The following DNAI2 variants were observed in gnomAD, a reference collection of about 807,000 sequenced individuals.
DNAI2 encodes dynein, axonemal, intermediate polypeptide 2.
A neutral mutation model predicts 74.7 loss-of-function variants in DNAI2; 63 were observed. The ratio of observed to expected loss-of-function variants is 0.84; its 90% CI spans 0.69 to 1.04. The LOEUF (loss-of-function observed/expected upper bound fraction) is 1.04, where lower values mean the gene tolerates loss of function less well. Among genes scored for constraint, DNAI2 ranks in the 50% least tolerant of loss-of-function variants. The probability of loss-of-function intolerance (pLI) is 0.00; values close to 1 mark genes in which losing one functional copy is unlikely to be tolerated. For synonymous variants in DNAI2, 289 were observed against 314.9 expected (o/e 0.92, Z 0.87); for missense variants, 688 against 803.2 (o/e 0.86, Z 1.73).
chr17:74,305,361 C>A lies in DNAI2; in HGVS notation c.1130C>A (p.Pro377Gln), dbSNP rs199726930. 2.7e-5 allele frequency: 43 copies of A among 1,614,172 alleles called. No homozygotes were observed. The highest frequency in any genetic ancestry group is 3.2e-5 in the Non-Finnish European group (38 of 1,180,044). ...GCCCTCCAGAGAAACCCCTTCTACC[C>A]GAAGAACTTCCTGACGGTTGGCGAC... is the stretch of plus-strand genomic sequence containing the variant. ...IYALQRNPFYPKNFLTVGDWT... is the reference protein window; with the variant it reads ...IYALQRNPFYQKNFLTVGDWT... Residue 377 changes from proline (P) to glutamine (Q), a missense_variant, in exon 9 of 14, where the codon CCG (proline) becomes CAG (glutamine). Coordinates refer to ENST00000311014, the MANE Select transcript of DNAI2 (RefSeq NM_023036.6).
rs574807351 is a variant in DNAI2, at chr17:74,302,178, C to T, written c.987+1010C>T. On this transcript the variant is annotated intron_variant, in intron 8 of 13. Coordinates refer to ENST00000311014, the MANE Select transcript of DNAI2 (RefSeq NM_023036.6). Reference sequence around the variant, plus strand: ...AGGCGCCGTGGCTCACACCTGTAATCCCAGCACTTTGGGAGGCTGAGGTGG... The same window carrying T: ...AGGCGCCGTGGCTCACACCTGTAATTCCAGCACTTTGGGAGGCTGAGGTGG... 2.0e-5 allele frequency among the ~76,000 whole-genome samples: 3 copies of T among 152,220 alleles called. No individual in the cohort carries two copies. The South Asian group carries it at 6.2e-4, about 32-fold the overall frequency.
intron 2 of DNAI2, among the ~76,000 whole-genome samples, chr17:74,282,705 C>G (rs907445751): frequency 2.0e-5 from 3 of 152,190 alleles, no homozygotes; most frequent in Non-Finnish European, 4.4e-5. Flanking sequence ...GGGGCCTCCA[C>G]GATAAGAGAA....
At chr17:74,314,407 C>T in intron 13 of DNAI2, 136 bp downstream of exon 13, 3 of 1,171,346 alleles carry the variant, frequency 2.6e-6, no homozygotes, top group East Asian at 5.3e-5. Flanking sequence ...GGCACTGAGT[C>T]CTGAGCCACC....
At position 74,314,234 on chromosome 17, in the gene DNAI2, C is replaced by T. The variant is rs369270232; in HGVS notation, c.*18C>T. The T allele has an allele frequency of 2.9e-4, 461 of 1,613,590 alleles. 1 individual carries two copies. Among genetic ancestry groups the T allele is most frequent in the Non-Finnish European group, 3.6e-4 (423 of 1,179,716 alleles). The stretch of plus-strand genomic sequence containing the variant: ...TAGCCTAGAAGTCAGCCTTCGACTG[C>T]GGCGCTATCCCTGTGTGCCTTCCTT... On this transcript the variant is annotated 3_prime_UTR_variant, in exon 13 of 14. Coordinates refer to ENST00000311014, the MANE Select transcript of DNAI2 (RefSeq NM_023036.6).
chr17:74,306,378 C>A (rs183212481), intron 9 of DNAI2, among the ~76,000 whole-genome samples: 47 of 152,222 alleles, frequency 3.1e-4, no homozygotes, highest in African/African-American at 1.1e-3. Flanking sequence ...GTAATAAGCC[C>A]GAATTCTAAC....
chr17:74,284,443 C>G (rs372738024), intron 2 of DNAI2, among the ~76,000 whole-genome samples: 3 of 151,974 alleles, frequency 2.0e-5, no homozygotes, highest in Non-Finnish European at 4.4e-5. Flanking sequence ...GACGGAGTCT[C>G]GCTCTGTCGC....
At position 74,291,129 on chromosome 17, in the gene DNAI2, G is replaced by T; in HGVS notation, c.720G>T (p.Gln240His). Residue 240 changes from glutamine (Q) to histidine (H), a missense_variant, in exon 6 of 14, where the codon CAG becomes CAT. By Grantham distance (24) the Gln-to-His change is conservative (BLOSUM62 0). Coordinates refer to ENST00000311014, the MANE Select transcript of DNAI2 (RefSeq NM_023036.6). ...TCCTGGGTGGCTGCTACAATGGACA[G>T]ATAGGTAAGGAGGGACCTAGGCTTT... is the stretch of plus-strand genomic sequence containing the variant. ...HVLLGGCYNG[Q>H]IACWDTRKGS... 1.2e-6 allele frequency: 2 copies of T among 1,607,740 alleles called. No individual in the cohort carries two copies. The highest frequency in any genetic ancestry group is 2.2e-5 in the East Asian group (1 of 44,850).
In DNAI2 at chr17:74,314,277, G is replaced by A. The variant is rs118104009; in HGVS notation, c.*55+6G>A. On this transcript the variant is annotated splice_donor_region_variant and intron_variant, in intron 13 of 13. Transcript: ENST00000311014. The stretch of plus-strand genomic sequence containing the variant: ...CCTTCCTTTCCCACCTCTTGGTATT[G>A]CCCCGCTCTCACAAGTGGGAGGCTG... 15,011 of 1,609,948 alleles carry A rather than the reference G, an allele frequency of 9.3e-3. 137 individuals are homozygous for A. Among genetic ancestry groups the A allele is most frequent in the East Asian group, 0.016 (722 of 44,692 alleles).
chr17:74,279,328 G>A (rs887437635), intron 1 of DNAI2, among the ~76,000 whole-genome samples: 19 of 152,056 alleles, frequency 1.2e-4, no homozygotes, highest in Admixed American at 3.9e-4. Flanking sequence ...AGCTGAAAGA[G>A]TATAACTGGA....
At chr17:74,292,183 G>A (rs1392134448) in intron 6 of DNAI2, among the ~76,000 whole-genome samples, 1 of 152,138 alleles carries the variant, frequency 6.6e-6, no homozygotes. Flanking sequence ...TTCTTGAAAT[G>A]TTTGGTAGAA....
intron 8 of DNAI2, among the ~76,000 whole-genome samples, chr17:74,301,546 C>T (rs2052765285): frequency 6.6e-6 from 1 of 151,962 alleles, no homozygotes; most frequent in African/African-American, 2.4e-5. Flanking sequence ...GGCACGGGGT[C>T]CCTAGGCTGG....
At chr17:74,297,515 C>T (rs1438838976) in intron 6 of DNAI2, among the ~76,000 whole-genome samples, 2 of 151,670 alleles carry the variant, frequency 1.3e-5, no homozygotes, top group Admixed American at 6.6e-5. Context: ...CTCAGCCTCC[C>T]CAGAGGCTGG....
chr17:74,313,243 G>A (rs1456651657), intron 12 of DNAI2, among the ~76,000 whole-genome samples: 1 of 152,206 alleles, frequency 6.6e-6, no homozygotes, highest in Admixed American at 6.5e-5. Flanking sequence ...ACACAGGGAA[G>A]ATAACTGGTT....
chr17:74,281,358 A>G (rs951641815), intron 1 of DNAI2, among the ~76,000 whole-genome samples: 3 of 151,874 alleles, frequency 2.0e-5, no homozygotes, highest in Non-Finnish European at 2.9e-5. Context: ...TCCCGAGTTC[A>G]AGTGATTCTC....
chr17:74,282,909 T>C (rs1231228277), intron 2 of DNAI2, among the ~76,000 whole-genome samples: 1 of 152,132 alleles, frequency 6.6e-6, no homozygotes, highest in Non-Finnish European at 1.5e-5. Context: ...ATGAATTAGG[T>C]GCTTCTCTCC....
In DNAI2 at chr17:74,309,069, A is replaced by G. The variant is rs190440997; in HGVS notation, c.1212-184A>G. On this transcript the variant is annotated intron_variant, in intron 9 of 13. Transcript: ENST00000311014. ...CAGAGCAAGAGTGTCTCAAAAAAAA[A>G]AAAAAAAAAAGCAACCTGTGAGCTG... Among the ~76,000 whole-genome samples, 74 of 151,724 alleles carry G rather than the reference A, an allele frequency of 4.9e-4. 1 individual carries two copies. Among genetic ancestry groups the G allele is most frequent in the African/African-American group, 1.7e-3 (72 of 41,386 alleles).
At chr17:74,281,678 G>C (rs1162928577) in intron 1 of DNAI2, 129 bp from the exon 2 acceptor site, 1 of 833,644 alleles carries the variant, frequency 1.2e-6, no homozygotes, top group South Asian at 1.5e-5. Flanking sequence ...AAATTCCTAG[G>C]ATCTCCCCAC....
At chr17:74,277,413 A>G (rs1043304205) in intron 1 of DNAI2, among the ~76,000 whole-genome samples, 1 of 152,040 alleles carries the variant, frequency 6.6e-6, no homozygotes, top group South Asian at 2.1e-4. Flanking sequence ...AAAAAAGAAA[A>G]AAAGAAAGAA....
At chr17:74,284,775 A>T (rs2051610619) in intron 2 of DNAI2, among the ~76,000 whole-genome samples, 1 of 152,184 alleles carries the variant, frequency 6.6e-6, no homozygotes. Context: ...GTCCATTAGA[A>T]TTCAGATAAG....
Sources: gnomAD v4.1 joint callset for allele counts (sites outside exome capture counted in the v4.1 genomes callset) on GRCh38, gnomAD v4.1.1 for gene constraint, MANE v1.5 for transcripts, NCBI Gene and HGNC (gene_info 2026-07-23, HGNC 2026-07-21) for gene names.